Variants in NALCN observed in about 807,000 individuals in gnomAD.
The protein encoded by NALCN is sodium leak channel, non-selective.
A neutral mutation model predicts 225.3 loss-of-function variants in NALCN; 111 were observed. That is an observed-to-expected ratio of 0.49 (90% CI 0.42 to 0.58). NALCN has a LOEUF of 0.58. Among genes scored for constraint, NALCN ranks in the 20% least tolerant of loss-of-function variants. The probability of loss-of-function intolerance (pLI) is 0.00; values close to 1 mark genes in which losing one functional copy is unlikely to be tolerated. For missense variants in NALCN, 1,378 were observed against 2,202.4 expected (o/e 0.63, Z 7.49); for synonymous variants, 764 against 769.0 (o/e 0.99, Z 0.11).
At chr13:101,261,990 T>C (rs111536155) in intron 10 of NALCN, among the ~76,000 whole-genome samples, 2,083 of 152,342 alleles carry the variant, frequency 0.014, 41 homozygotes, top group African/African-American at 0.047. Context: ...GTCTGTCATA[T>C]ATAGCTTTTA....
chr13:101,412,466 C>G (rs774188498), intron 1 of NALCN, among the ~76,000 whole-genome samples: 20 of 152,220 alleles, frequency 1.3e-4, no homozygotes, highest in Non-Finnish European at 2.1e-4. Context: ...CCCCTGCCCC[C>G]ACCCTGGACC....
intron 15 of NALCN, among the ~76,000 whole-genome samples, chr13:101,161,407 C>A (rs531670102): frequency 1.1e-4 from 17 of 152,170 alleles, no homozygotes; most frequent in Non-Finnish European, 2.2e-4. Flanking sequence ...TTCATTCATG[C>A]AACTGTAGAA....
At chr13:101,315,898 G>A (rs199672276) in intron 7 of NALCN, among the ~76,000 whole-genome samples, 1 of 147,900 alleles carries the variant, frequency 6.8e-6, no homozygotes, top group Admixed American at 6.8e-5. Context: ...TGTTTTTTTT[G>A]TTCCTATCTG....
chr13:101,169,466 T>G (rs1453669044), intron 15 of NALCN, among the ~76,000 whole-genome samples: 2 of 152,254 alleles, frequency 1.3e-5, no homozygotes, highest in Admixed American at 1.3e-4. Context: ...ATCATCTATG[T>G]ATTTAAATCA....
intron 1 of NALCN, among the ~76,000 whole-genome samples, chr13:101,403,241 G>A (rs1343911982): frequency 6.6e-6 from 1 of 152,166 alleles, no homozygotes; most frequent in Non-Finnish European, 1.5e-5. Context: ...CACTGAATAT[G>A]AAGGCATTCT....
chr13:101,290,772 C>T (rs1333255611), intron 9 of NALCN, among the ~76,000 whole-genome samples: 1 of 152,062 alleles, frequency 6.6e-6, no homozygotes, highest in Non-Finnish European at 1.5e-5. Context: ...ATTTGTACAC[C>T]TCGGCTCCTT....
chr13:101,209,388 A>G (rs2040439184), intron 13 of NALCN, among the ~76,000 whole-genome samples: 1 of 152,216 alleles, frequency 6.6e-6, no homozygotes. Flanking sequence ...ATCAAAGTGT[A>G]TATTTGCTAG....
chr13:101,331,970 A>G (rs1353156955), intron 7 of NALCN, among the ~76,000 whole-genome samples: 1 of 152,168 alleles, frequency 6.6e-6, no homozygotes, highest in Admixed American at 6.5e-5. Flanking sequence ...GTTGCCAGTA[A>G]TGAAATCCCT....
chr13:101,378,178 C>T (rs902668520), intron 4 of NALCN, among the ~76,000 whole-genome samples: 11 of 151,792 alleles, frequency 7.2e-5, no homozygotes, highest in South Asian at 4.1e-4. Context: ...TATTGATTTT[C>T]GTTTCTGATT....
rs561380811 is a variant in NALCN at position 101,095,683 on chromosome 13, A to T, written c.3163-3T>A. 6.2e-7 allele frequency: 1 copy of T among 1,606,572 alleles called. No homozygotes were observed. The highest frequency in any genetic ancestry group is 1.7e-5 in the Admixed American group (1 of 59,286). ...CTGAATATGCCATTGCAATCTTCCT[A>T]AAGTAGAAAAACAAGAGGAGAGGGG... is the stretch of plus-strand genomic sequence containing the variant. On this transcript the variant is annotated splice_polypyrimidine_tract_variant and splice_region_variant and intron_variant, in intron 27 of 43. Coordinates refer to ENST00000251127, the MANE Select transcript of NALCN (RefSeq NM_052867.4).
At chr13:101,163,522 G>A (rs2038289661) in intron 15 of NALCN, among the ~76,000 whole-genome samples, 1 of 152,138 alleles carries the variant, frequency 6.6e-6, no homozygotes, top group African/African-American at 2.4e-5. Context: ...AAAGTCTCAA[G>A]TCTATAAAAT....
chr13:101,375,101 G>T (rs2046650252), intron 6 of NALCN, among the ~76,000 whole-genome samples: 1 of 151,930 alleles, frequency 6.6e-6, no homozygotes, highest in African/African-American at 2.4e-5. Flanking sequence ...CTTCTTTATT[G>T]CTCTTTCCTT....
At chr13:101,335,508 C>T (rs997388521) in intron 7 of NALCN, among the ~76,000 whole-genome samples, 3 of 152,108 alleles carry the variant, frequency 2.0e-5, no homozygotes, top group Non-Finnish European at 4.4e-5. Flanking sequence ...CTCGACTCAA[C>T]AAAAATATGT....
chr13:101,210,317 C>T (rs966211612), intron 13 of NALCN, among the ~76,000 whole-genome samples: 3 of 152,074 alleles, frequency 2.0e-5, no homozygotes, highest in African/African-American at 7.2e-5. Flanking sequence ...AGAGACAGTC[C>T]TCTGCAGAAG....
chr13:101,065,584 T>C (rs373199166), intron 39 of NALCN, 23 bp from the exon 40 acceptor site: 45 of 1,608,486 alleles, frequency 2.8e-5, no homozygotes, highest in Non-Finnish European at 3.2e-5. Context: ...GCACAAGAAG[T>C]AGCAAATCAT....
intron 13 of NALCN, among the ~76,000 whole-genome samples, chr13:101,217,660 C>T (rs2040790032): frequency 6.6e-6 from 1 of 152,114 alleles, no homozygotes; most frequent in Admixed American, 6.6e-5. Flanking sequence ...CACATGCTCT[C>T]AACCTCAAGG....
chr13:101,063,288 G>GA (rs201533135), intron 40 of NALCN, among the ~76,000 whole-genome samples: 1 of 151,806 alleles, frequency 6.6e-6, no homozygotes, highest in East Asian at 1.9e-4. Flanking sequence ...ACCACAGAGG[G>GA]AAAAAAAATG....
intron 10 of NALCN, among the ~76,000 whole-genome samples, chr13:101,265,180 C>G (rs2140236766): frequency 6.6e-6 from 1 of 152,290 alleles, no homozygotes; most frequent in East Asian, 1.9e-4. Flanking sequence ...ACGATTTTGA[C>G]AGACACCAGC....
At chr13:101,388,591 C>T (rs933752557) in intron 3 of NALCN, among the ~76,000 whole-genome samples, 1 of 152,156 alleles carries the variant, frequency 6.6e-6, no homozygotes, top group Non-Finnish European at 1.5e-5. Flanking sequence ...ATTATTAAAA[C>T]TTGTGTTCTC....
Sources: gnomAD v4.1 joint callset for allele counts (sites outside exome capture counted in the v4.1 genomes callset) on GRCh38, gnomAD v4.1.1 for gene constraint, MANE v1.5 for transcripts, NCBI Gene and HGNC (gene_info 2026-07-23, HGNC 2026-07-21) for gene names.